The following KCNH7 variants were observed in gnomAD, a reference collection of about 807,000 sequenced individuals.
KCNH7 encodes voltage-gated inwardly rectifying potassium channel KCNH7.
A neutral mutation model predicts 120.8 loss-of-function variants in KCNH7; 49 were observed. The ratio of observed to expected loss-of-function variants is 0.41; its 90% CI spans 0.32 to 0.51. KCNH7 has a LOEUF of 0.51. KCNH7 is among the 20% of genes least tolerant of loss of function. The probability of loss-of-function intolerance (pLI) is 0.38; values close to 1 mark genes in which losing one functional copy is unlikely to be tolerated. For missense variants in KCNH7, 1,097 were observed against 1,446.6 expected (o/e 0.76, Z 3.92); for synonymous variants, 547 against 516.1 (o/e 1.06, Z -0.81).
At chr2:162,733,972 G>A (rs1687816075) in intron 2 of KCNH7, among the ~76,000 whole-genome samples, 1 of 152,102 alleles carries the variant, frequency 6.6e-6, no homozygotes, top group African/African-American at 2.4e-5. Context: ...TTACTTAAAT[G>A]TATAGTTACT....
intron 6 of KCNH7, among the ~76,000 whole-genome samples, chr2:162,498,514 A>G (rs1690574471): frequency 6.6e-6 from 1 of 151,526 alleles, no homozygotes; most frequent in Admixed American, 6.6e-5. Flanking sequence ...GGGGGTGTGC[A>G]CGTGTGTGTG....
At chr2:162,692,670 A>C (rs1003052370) in intron 2 of KCNH7, among the ~76,000 whole-genome samples, 1 of 152,202 alleles carries the variant, frequency 6.6e-6, no homozygotes, top group African/African-American at 2.4e-5. Context: ...ACCATGCAGG[A>C]AAAAAGCAGT....
At chr2:162,668,891 G>T (rs1685241771) in intron 2 of KCNH7, among the ~76,000 whole-genome samples, 1 of 152,080 alleles carries the variant, frequency 6.6e-6, no homozygotes. Context: ...ATTTGGAAAA[G>T]AACAGTCTTA....
intron 6 of KCNH7, among the ~76,000 whole-genome samples, chr2:162,479,696 TGTG>T (rs1689864714): frequency 1.3e-5 from 2 of 151,738 alleles, no homozygotes. Flanking sequence ...TGTGTGTGTG[TGTG>T]TGTGTTGAGA....
At chr2:162,594,941 C>T (rs760732582) in intron 2 of KCNH7, among the ~76,000 whole-genome samples, 11 of 151,944 alleles carry the variant, frequency 7.2e-5, no homozygotes, top group Non-Finnish European at 1.3e-4. Flanking sequence ...AAAGATCATT[C>T]ACCATGATCA....
chr2:162,557,104 C>T (rs934459662), intron 2 of KCNH7, among the ~76,000 whole-genome samples: 34 of 152,132 alleles, frequency 2.2e-4, no homozygotes, highest in African/African-American at 7.5e-4. Context: ...AGCTTAGATT[C>T]CTCCATGTTG....
At chr2:162,387,265 T>A (rs568687254) in intron 12 of KCNH7, among the ~76,000 whole-genome samples, 1 of 149,866 alleles carries the variant, frequency 6.7e-6, no homozygotes, top group South Asian at 2.1e-4. Flanking sequence ...TTCTGTCACA[T>A]AAAATGAAAG....
At position 162,826,582 on chromosome 2, in the gene KCNH7, G is replaced by C. The variant is rs911785794; in HGVS notation, c.307+9955C>G. On this transcript the variant is annotated intron_variant, in intron 2 of 15. Coordinates refer to ENST00000332142, the MANE Select transcript of KCNH7 (RefSeq NM_033272.4). ...ATTTCTCAGTTAATAAACAATGTTA[G>C]AGATTGATTTTCACCATTCTCATAG... 2.0e-5 allele frequency among the ~76,000 whole-genome samples: 3 copies of C among 152,124 alleles called. No individual in the cohort carries two copies. In the South Asian group the frequency reaches 6.2e-4, roughly 31 times the overall value.
chr2:162,390,123 C>T (rs932428685), intron 12 of KCNH7, among the ~76,000 whole-genome samples: 1 of 151,796 alleles, frequency 6.6e-6, no homozygotes, highest in Non-Finnish European at 1.5e-5. Context: ...CTATTAATAG[C>T]CACTTTGATA....
At chr2:162,624,820 T>A (rs982238679) in intron 2 of KCNH7, among the ~76,000 whole-genome samples, 1 of 151,104 alleles carries the variant, frequency 6.6e-6, no homozygotes, top group Non-Finnish European at 1.5e-5. Context: ...TGAGCAATGA[T>A]TCATATTACG....
intron 8 of KCNH7, 146 bp from the exon 9 acceptor site, chr2:162,423,681 A>G: frequency 1.5e-6 from 1 of 687,668 alleles, no homozygotes. Context: ...AGTTAAACTA[A>G]AACTGCTTTA....
intron 2 of KCNH7, among the ~76,000 whole-genome samples, chr2:162,790,321 A>G (rs1190367508): frequency 6.6e-6 from 1 of 152,042 alleles, no homozygotes; most frequent in Non-Finnish European, 1.5e-5. Context: ...ACTAATCAGA[A>G]GAAATAAAGT....
chr2:162,752,965 A>AACCCTGACT (rs1688638257), intron 2 of KCNH7, among the ~76,000 whole-genome samples: 1 of 117,460 alleles, frequency 8.5e-6, no homozygotes, highest in East Asian at 3.9e-4. Flanking sequence ...AAAGAAAAGA[A>AACCCTGACT]AAGAAAAGAA....
chr2:162,670,793 A>G (rs1320114968), intron 2 of KCNH7, among the ~76,000 whole-genome samples: 5 of 152,126 alleles, frequency 3.3e-5, no homozygotes, highest in Non-Finnish European at 7.4e-5. Flanking sequence ...AAAAGGTGGA[A>G]AAAATCAAAA....
chr2:162,686,036 G>C (rs766297144), intron 2 of KCNH7, among the ~76,000 whole-genome samples: 8 of 152,040 alleles, frequency 5.3e-5, no homozygotes, highest in Non-Finnish European at 1.2e-4. Flanking sequence ...AAGTCAACCA[G>C]GTCAAGGGGA....
intron 6 of KCNH7, among the ~76,000 whole-genome samples, chr2:162,491,590 G>A (rs1489837426): frequency 1.3e-5 from 2 of 152,186 alleles, no homozygotes; most frequent in South Asian, 2.1e-4. Flanking sequence ...AGGAGTCTGC[G>A]TGTAGGTAAA....
At chr2:162,652,240 G>A (rs2105261108) in intron 2 of KCNH7, among the ~76,000 whole-genome samples, 1 of 152,198 alleles carries the variant, frequency 6.6e-6, no homozygotes, top group Non-Finnish European at 1.5e-5. Flanking sequence ...GTGTATTCTT[G>A]GGAAAAATCT....
At chr2:162,574,320 T>C (rs1427474088) in intron 2 of KCNH7, among the ~76,000 whole-genome samples, 2 of 152,016 alleles carry the variant, frequency 1.3e-5, no homozygotes, top group African/African-American at 4.8e-5. Context: ...GACAAGCCTG[T>C]CTCAACTCAT....
At chr2:162,393,664 G>A (rs1686812293) in intron 12 of KCNH7, among the ~76,000 whole-genome samples, 1 of 151,904 alleles carries the variant, frequency 6.6e-6, no homozygotes, top group Admixed American at 6.6e-5. Context: ...TAGAATGTTT[G>A]TTGGATCAGC....
Sources: allele counts gnomAD v4.1 joint callset (sites outside exome capture counted in the v4.1 genomes callset), GRCh38; gene constraint gnomAD v4.1.1; transcripts MANE v1.5; gene names NCBI Gene and HGNC (gene_info 2026-07-23, HGNC 2026-07-21).